CDH18: variants seen among roughly 807,000 people sequenced by gnomAD.
CDH18 encodes the protein cadherin-18.
Under a neutral mutation model 67.9 loss-of-function variants are expected in CDH18, and 31 were observed. The ratio of observed to expected loss-of-function variants is 0.46; its 90% CI spans 0.34 to 0.62. The LOEUF is 0.62. Ranked by LOEUF, CDH18 falls within the 20% of genes least tolerant of loss-of-function variation. CDH18 has a pLI of 0.01. For synonymous variants in CDH18, 362 were observed against 347.2 expected (o/e 1.04, Z -0.48); for missense variants, 890 against 975.5 (o/e 0.91, Z 1.17).
intron 2 of CDH18, among the ~76,000 whole-genome samples, chr5:20,020,753 G>T (rs148333213): frequency 1.1e-3 from 170 of 152,216 alleles, no homozygotes; most frequent in African/African-American, 3.7e-3. Context: ...CAGGACCAGA[G>T]CCCCCATGGA....
At chr5:20,289,102 T>C (rs1016864584) in intron 1 of CDH18, among the ~76,000 whole-genome samples, 2 of 151,960 alleles carry the variant, frequency 1.3e-5, no homozygotes, top group African/African-American at 2.4e-5. Context: ...TTAATTAACC[T>C]CTTTTCTACT....
At chr5:20,323,801 C>G (rs1299813690) in intron 1 of CDH18, among the ~76,000 whole-genome samples, 1 of 152,168 alleles carries the variant, frequency 6.6e-6, no homozygotes, top group Admixed American at 6.5e-5. Flanking sequence ...TATTTTTAAG[C>G]ACCAGAGACA....
At chr5:19,517,099 T>C (rs943783242) in intron 10 of CDH18, among the ~76,000 whole-genome samples, 1 of 152,150 alleles carries the variant, frequency 6.6e-6, no homozygotes, top group African/African-American at 2.4e-5. Context: ...CTTTCACCAA[T>C]GATGTAGAAA....
intron 1 of CDH18, among the ~76,000 whole-genome samples, chr5:20,473,007 T>C (rs1203852589): frequency 2.0e-5 from 3 of 152,198 alleles, no homozygotes; most frequent in East Asian, 3.8e-4. Context: ...ATTTAACCTA[T>C]ACAATAATCC....
intron 5 of CDH18, among the ~76,000 whole-genome samples, chr5:19,699,012 A>G (rs1762883191): frequency 6.6e-6 from 1 of 152,176 alleles, no homozygotes; most frequent in Admixed American, 6.6e-5. Flanking sequence ...AGAATAGAGC[A>G]CTAGCTTAAC....
rs140748952 is a variant in CDH18 at position 19,889,104 on chromosome 5, GTTGTA to G, written c.-256-49867_-256-49863del. 5.1e-3 allele frequency among the ~76,000 whole-genome samples: 780 copies of G among 152,138 alleles called. 3 individuals carry two copies. The highest frequency in any genetic ancestry group is 0.018 in the African/African-American group (735 of 41,550). On this transcript the variant is annotated intron_variant, in intron 2 of 12. Coordinates refer to ENST00000382275, the MANE Select transcript of CDH18 (RefSeq NM_004934.5). ...AAATGTAAATACTATGTAAATGGTT[GTTGTA>G]TTGTATTTTTTTAGGGAATAATGAT... is the stretch of plus-strand genomic sequence containing the variant.
chr5:20,070,947 A>G (rs191513669), intron 2 of CDH18, among the ~76,000 whole-genome samples: 126 of 152,308 alleles, frequency 8.3e-4, no homozygotes, highest in African/African-American at 2.9e-3. Context: ...CTATTTTAGA[A>G]ATATTTCCTA....
intron 2 of CDH18, among the ~76,000 whole-genome samples, chr5:20,108,948 T>C (rs1561797197): frequency 6.6e-6 from 1 of 151,988 alleles, no homozygotes; most frequent in East Asian, 2.0e-4. Context: ...AATAATAAGT[T>C]AGTTAAACAA....
chr5:20,555,851 G>A (rs962628641), intron 1 of CDH18, among the ~76,000 whole-genome samples: 1 of 151,466 alleles, frequency 6.6e-6, no homozygotes, highest in Non-Finnish European at 1.5e-5. Context: ...ATTCCCAGAG[G>A]TATTTTGCAT....
chr5:20,231,106 G>A (rs1394385110), intron 2 of CDH18, among the ~76,000 whole-genome samples: 1 of 152,078 alleles, frequency 6.6e-6, no homozygotes, highest in Non-Finnish European at 1.5e-5. Context: ...ACTATACGTT[G>A]AAATCTGTTT....
Position 20,179,076 on chromosome 5 carries a change from T to G in CDH18, c.-518+76368A>C, listed in dbSNP as rs75217790. On this transcript the variant is annotated intron_variant, in intron 2 of 14. Coordinates refer to the CDH18 transcript ENST00000507958. ...AAAAAATGTATAGTAGAGTGAGTTTTAAGTCATCGTGAAGAGGTAAATAAT... is the reference window on the plus strand; with the variant it reads ...AAAAAATGTATAGTAGAGTGAGTTTGAAGTCATCGTGAAGAGGTAAATAAT... 5.8e-3 allele frequency among the ~76,000 whole-genome samples: 878 copies of G among 152,232 alleles called. 10 individuals are homozygous for G. The highest frequency in any genetic ancestry group is 0.02 in the African/African-American group (841 of 41,568).
At chr5:19,845,141 TTC>T in intron 2 of CDH18, among the ~76,000 whole-genome samples, 1 of 151,948 alleles carries the variant, frequency 6.6e-6, no homozygotes, top group East Asian at 1.9e-4. Context: ...TTAAGATAGT[TTC>T]TTTGTATCCA....
chr5:19,849,639 C>T (rs1172197398), intron 2 of CDH18, among the ~76,000 whole-genome samples: 19 of 33,270 alleles, frequency 5.7e-4, no homozygotes, highest in African/African-American at 9.5e-4. Flanking sequence ...TATATATACA[C>T]GCATATATAT....
chr5:19,710,093 C>A (rs894507264), intron 5 of CDH18, among the ~76,000 whole-genome samples: 8 of 152,128 alleles, frequency 5.3e-5, no homozygotes, highest in African/African-American at 1.9e-4. Flanking sequence ...CAAGGTCATG[C>A]CACAGCACTC....
chr5:19,932,161 T>C (rs1793765355), intron 2 of CDH18, among the ~76,000 whole-genome samples: 2 of 151,780 alleles, frequency 1.3e-5, no homozygotes, highest in Non-Finnish European at 2.9e-5. Context: ...TATCTTATAG[T>C]TCTCTGAGAA....
At chr5:19,516,205 G>A (rs1027030350) in intron 10 of CDH18, among the ~76,000 whole-genome samples, 2 of 152,172 alleles carry the variant, frequency 1.3e-5, no homozygotes, top group Non-Finnish European at 2.9e-5. Flanking sequence ...AAGCTAACTT[G>A]ATCTTGGTGG....
intron 1 of CDH18, among the ~76,000 whole-genome samples, chr5:20,394,584 G>A (rs185453056): frequency 2.0e-5 from 3 of 151,946 alleles, no homozygotes; most frequent in African/African-American, 7.2e-5. Context: ...TAAATACATG[G>A]GACCTAATTA....
chr5:20,217,312 A>C (rs1160896972), intron 2 of CDH18, among the ~76,000 whole-genome samples: 1 of 151,914 alleles, frequency 6.6e-6, no homozygotes, highest in Non-Finnish European at 1.5e-5. Context: ...TAATAATGAC[A>C]ATAACTTTTG....
chr5:19,703,550 C>A (rs1763549790), intron 5 of CDH18, among the ~76,000 whole-genome samples: 1 of 152,110 alleles, frequency 6.6e-6, no homozygotes, highest in Admixed American at 6.6e-5. Flanking sequence ...GCCTGACCCT[C>A]CAGATCTTTC....
Sources: allele counts gnomAD v4.1 joint callset (sites outside exome capture counted in the v4.1 genomes callset), GRCh38; gene constraint gnomAD v4.1.1; transcripts MANE v1.5; gene names NCBI Gene and HGNC (gene_info 2026-07-23, HGNC 2026-07-21).